Variants in TIMM17A observed in about 807,000 individuals in gnomAD.
TIMM17A encodes the protein translocase of inner mitochondrial membrane 17A.
In TIMM17A, 15 loss-of-function variants were observed where a neutral mutation model predicts 26.5. That is an observed-to-expected ratio of 0.57 (90% CI 0.38 to 0.87). The LOEUF is 0.87. TIMM17A is among the 40% of genes least tolerant of loss of function. The pLI is 0.00. For missense variants in TIMM17A, 201 were observed against 210.0 expected (o/e 0.96, Z 0.27); for synonymous variants, 80 against 70.8 (o/e 1.13, Z -0.66).
intron 1 of TIMM17A, among the ~76,000 whole-genome samples, chr1:201,955,865 C>T (rs1394668892): frequency 6.6e-6 from 1 of 152,216 alleles, no homozygotes; most frequent in Non-Finnish European, 1.5e-5. Context: ...CGACTTTATG[C>T]GGGGCCAGTT....
intron 3 of TIMM17A, among the ~76,000 whole-genome samples, chr1:201,960,157 C>T (rs555492132): frequency 2.6e-5 from 4 of 151,794 alleles, no homozygotes; most frequent in Non-Finnish European, 4.4e-5. Flanking sequence ...CCCAGCACTT[C>T]GGGAGGCTGA....
intron 4 of TIMM17A, among the ~76,000 whole-genome samples, chr1:201,965,151 C>G (rs891573971): frequency 1.3e-5 from 2 of 152,092 alleles, no homozygotes; most frequent in Non-Finnish European, 2.9e-5. Flanking sequence ...GGGGTTTCCC[C>G]ATGTTGGCCA....
At chr1:201,960,217 G>C (rs560124080) in intron 3 of TIMM17A, among the ~76,000 whole-genome samples, 1 of 152,122 alleles carries the variant, frequency 6.6e-6, no homozygotes, top group African/African-American at 2.4e-5. Context: ...TGGCCAACAT[G>C]GTGAAACCCC....
intron 5 of TIMM17A, among the ~76,000 whole-genome samples, chr1:201,967,156 T>A (rs1056321449): frequency 1.3e-5 from 2 of 152,028 alleles, no homozygotes; most frequent in Admixed American, 6.6e-5. Context: ...GAATAGATCA[T>A]ACATCCCAAT....
Position 201,957,240 on chromosome 1 carries a change from G to T in TIMM17A, c.27-41G>T, listed in dbSNP as rs764786762. ...ATTGGCAAAGAAGATTTTATGGTTT[G>T]TGAATGAGAAATATGGTCTTTTTTT... On this transcript the variant is annotated intron_variant, in intron 1 of 5. Transcript: ENST00000367287. 11 of 1,319,998 alleles carry T rather than the reference G, an allele frequency of 8.3e-6. No individual in the cohort carries two copies. The Admixed American group carries it at 1.8e-4, about 21-fold the overall frequency. The allele number at this position is 1,319,998 out of a possible 1,614,324, so 81.8% of individuals were successfully genotyped here. A position where few individuals can be genotyped will look rare whatever the true frequency, so the allele number is the denominator to read the frequency against.
At chr1:201,959,827 CA>C (rs1055687242) in intron 3 of TIMM17A, among the ~76,000 whole-genome samples, 75 of 148,732 alleles carry the variant, frequency 5.0e-4, no homozygotes, top group African/African-American at 1.8e-3. Context: ...ACTAAAAATA[CA>C]AAAAAAAACA....
intron 5 of TIMM17A, among the ~76,000 whole-genome samples, chr1:201,967,935 G>C (rs1682664259): frequency 6.6e-6 from 1 of 151,914 alleles, no homozygotes; most frequent in Non-Finnish European, 1.5e-5. Flanking sequence ...CTGAAAAGCT[G>C]TGTAGGGGGG....
Position 201,969,393 on chromosome 1 carries a change from T to C in TIMM17A, c.431-76T>C, listed in dbSNP as rs891862625. On this transcript the variant is annotated intron_variant, in intron 5 of 5. Transcript: ENST00000367287. ...ATTTTTTTGTTGTTGATTGATTTAC[T>C]CTCTATAGAGATTTGTTCTTTTTAA... The C allele has an allele frequency of 1.6e-5, 19 of 1,171,122 alleles. No homozygotes were observed. The East Asian group carries it at 4.2e-4, about 26-fold the overall frequency. 72.5% of individuals were successfully genotyped at this position (1,171,122 alleles called of 1,614,324 possible). A position where few individuals can be genotyped will look rare whatever the true frequency, so the allele number is the denominator to read the frequency against.
At chr1:201,959,890 C>G (rs1682492399) in intron 3 of TIMM17A, among the ~76,000 whole-genome samples, 1 of 151,866 alleles carries the variant, frequency 6.6e-6, no homozygotes, top group African/African-American at 2.4e-5. Context: ...AGTCCCGGCT[C>G]CTTGGGAGGC....
chr1:201,968,270 G>A (rs1301660557), intron 5 of TIMM17A, among the ~76,000 whole-genome samples: 2 of 151,346 alleles, frequency 1.3e-5, no homozygotes, highest in Non-Finnish European at 2.9e-5. Flanking sequence ...CAAAGTGCTG[G>A]GAATGTGAGC....
At chr1:201,969,002 C>T (rs1212789054) in intron 5 of TIMM17A, among the ~76,000 whole-genome samples, 1 of 151,944 alleles carries the variant, frequency 6.6e-6, no homozygotes, top group African/African-American at 2.4e-5. Flanking sequence ...CATTTCAGAG[C>T]TCATTCCCTA....
At chr1:201,957,424 G>A (rs1682436812) in intron 2 of TIMM17A, 44 bp downstream of exon 2, 2 of 1,588,726 alleles carry the variant, frequency 1.3e-6, no homozygotes, top group African/African-American at 1.3e-5. Context: ...TTGCAACTTG[G>A]GTTTGATGAT....
At chr1:201,963,931 A>T (rs979489568) in intron 4 of TIMM17A, among the ~76,000 whole-genome samples, 187 bp downstream of exon 4, 28 of 151,842 alleles carry the variant, frequency 1.8e-4, no homozygotes, top group African/African-American at 6.0e-4. Context: ...TTGAGATCAG[A>T]TATAGGGAGA....
intron 5 of TIMM17A, among the ~76,000 whole-genome samples, chr1:201,968,538 C>T (rs1321006436): frequency 6.6e-6 from 1 of 151,598 alleles, no homozygotes; most frequent in Non-Finnish European, 1.5e-5. Flanking sequence ...ATTACAGACA[C>T]CCTCCACCAT....
At position 201,957,593 on chromosome 1, in the gene TIMM17A, T is replaced by C. The variant is rs1682439443; in HGVS notation, c.190+19T>C. 1.3e-6 allele frequency: 2 copies of C among 1,588,526 alleles called. No homozygotes were observed. Among genetic ancestry groups the C allele is most frequent in the Non-Finnish European group, 1.7e-6 (2 of 1,166,114 alleles). ...TTAGGAGGTAAGCAGAATTTTCATT[T>C]TAACTGAACTATTTTTTTCTGTTCC... On this transcript the variant is annotated intron_variant, in intron 3 of 5. Transcript: ENST00000367287.
intron 3 of TIMM17A, 89 bp from the exon 4 acceptor site, chr1:201,963,527 C>T: frequency 7.3e-7 from 1 of 1,374,176 alleles, no homozygotes; most frequent in Non-Finnish European, 1.0e-6. Context: ...AATTTTGAGA[C>T]TATAGTGAGT....
At chr1:201,965,802 A>G (rs1432765444) in intron 5 of TIMM17A, among the ~76,000 whole-genome samples, 1 of 152,234 alleles carries the variant, frequency 6.6e-6, no homozygotes, top group Non-Finnish European at 1.5e-5. Context: ...ATGTCTGATC[A>G]TTTTAAAGGG....
At chr1:201,956,479 A>G (rs999692967) in intron 1 of TIMM17A, among the ~76,000 whole-genome samples, 2 of 152,188 alleles carry the variant, frequency 1.3e-5, no homozygotes, top group African/African-American at 4.8e-5. Flanking sequence ...TCTCCCATAA[A>G]TGGCATACAA....
At chr1:201,956,732 C>T (rs752574775) in intron 1 of TIMM17A, among the ~76,000 whole-genome samples, 7 of 152,026 alleles carry the variant, frequency 4.6e-5, no homozygotes, top group Non-Finnish European at 5.9e-5. Context: ...AAGGCCGAGG[C>T]GGATCACGAG....
Sources: allele counts gnomAD v4.1 joint callset (sites outside exome capture counted in the v4.1 genomes callset), GRCh38; gene constraint gnomAD v4.1.1; transcripts MANE v1.5; gene names NCBI Gene and HGNC (gene_info 2026-07-23, HGNC 2026-07-21).